Variants in BRDT observed in about 807,000 individuals in gnomAD.
BRDT encodes bromodomain testis-specific protein.
In BRDT, 77 loss-of-function variants were observed where a neutral mutation model predicts 113.9. That is an observed-to-expected ratio of 0.68 (90% confidence interval 0.56 to 0.82). BRDT has a LOEUF of 0.82. Ranked by LOEUF, BRDT falls within the 40% of genes least tolerant of loss-of-function variation. BRDT has a pLI of 0.00. For synonymous variants in BRDT, 358 were observed against 366.5 expected (o/e 0.98, Z 0.26); for missense variants, 1,027 against 1,105.4 (o/e 0.93, Z 1.01).
At chr1:91,995,312 C>T (rs979620929) in intron 15 of BRDT, among the ~76,000 whole-genome samples, 6 of 152,036 alleles carry the variant, frequency 3.9e-5, no homozygotes, top group Admixed American at 2.0e-4. Flanking sequence ...GAATAAATTT[C>T]CAAGCTGTTT....
Position 91,979,651 on chromosome 1 carries a change from CAG to C in BRDT, c.1183_1184del (p.Glu395AsnfsTer4). On this transcript the variant is annotated frameshift_variant, in exon 8 of 19. Transcript: ENST00000399546. LOFTEE classifies it high-confidence loss of function. ...TTATGTTACATCAAAACAGATATCA[CAG>C]AAACCACTGGTAGAGAGAACACTAA... The C allele has an allele frequency of 6.2e-7, 1 of 1,614,028 alleles. No homozygotes were observed. Among genetic ancestry groups the C allele is most frequent in the South Asian group, 1.1e-5 (1 of 91,072 alleles).
chr1:91,956,344 A>G (rs552145365), intron 1 of BRDT, among the ~76,000 whole-genome samples: 2 of 142,662 alleles, frequency 1.4e-5, no homozygotes, highest in Admixed American at 7.1e-5. Context: ...CCTGAGTTGT[A>G]TGTCATGGAT....
At position 92,006,216 on chromosome 1, in the gene BRDT, T is replaced by C. The variant is rs377494633; in HGVS notation, c.2775+917T>C. 3.4e-4 allele frequency among the ~76,000 whole-genome samples: 52 copies of C among 152,286 alleles called. 2 individuals carry two copies. In the South Asian group the frequency reaches 0.011, roughly 31 times the overall value. The stretch of plus-strand genomic sequence containing the variant: ...TGTATTTTATTGCTGTTGGATAGGG[T>C]GTTAATCAGGCCAAGTTGGTTTATC... On this transcript the variant is annotated intron_variant, in intron 18 of 18. Transcript: ENST00000399546.
chr1:91,959,752 G>T (rs560690572), intron 1 of BRDT, among the ~76,000 whole-genome samples: 1 of 152,064 alleles, frequency 6.6e-6, no homozygotes, highest in South Asian at 2.1e-4. Context: ...CAAAGTTCTG[G>T]GATTACAGGC....
Position 91,985,673 on chromosome 1 carries a change from C to G in BRDT, c.2002+3918C>G, listed in dbSNP as rs1398183099. On this transcript the variant is annotated intron_variant, in intron 12 of 18. Coordinates refer to ENST00000399546, the MANE Select transcript of BRDT (RefSeq NM_207189.4). The stretch of plus-strand genomic sequence containing the variant: ...TTTTTTTTTTGAGACGGAGTCTGCT[C>G]TTTTGCCCAGGCTGGAGTGCAGTGG... Among the ~76,000 whole-genome samples, 3 of 111,542 alleles carry G rather than the reference C, an allele frequency of 2.7e-5. No individual in the cohort carries two copies. The East Asian group carries it at 8.6e-4, about 32-fold the overall frequency. 73.2% of individuals were successfully genotyped at this position (111,542 alleles called of 152,430 possible).
chr1:91,984,433 T>C (rs1040681283), intron 12 of BRDT, among the ~76,000 whole-genome samples: 19 of 152,126 alleles, frequency 1.2e-4, no homozygotes, highest in Non-Finnish European at 2.6e-4. Context: ...GCACCTACTA[T>C]TCTTAATTAT....
At chr1:91,951,531 TCA>T (rs778092207) in intron 1 of BRDT, among the ~76,000 whole-genome samples, 81 of 151,194 alleles carry the variant, frequency 5.4e-4, no homozygotes, top group Non-Finnish European at 6.2e-4. Flanking sequence ...GCGCGGTGGC[TCA>T]CGCCTGTAAT....
intron 17 of BRDT, 111 bp downstream of exon 17, chr1:92,004,730 A>G: frequency 1.0e-6 from 1 of 973,190 alleles, no homozygotes; most frequent in Non-Finnish European, 1.5e-6. Context: ...AGTAGAACAC[A>G]GAGCAAATTG....
rs537757866 is a variant in BRDT at position 91,998,608 on chromosome 1, A to G, written c.2288-3441A>G. On this transcript the variant is annotated intron_variant, in intron 15 of 18. Coordinates refer to ENST00000399546, the MANE Select transcript of BRDT (RefSeq NM_207189.4). ...GAAAAAGTAAATCCAGGAGTTTGCTATCTCATAGGAGAAATAAACAACTGG... is the reference window on the plus strand; with the variant it reads ...GAAAAAGTAAATCCAGGAGTTTGCTGTCTCATAGGAGAAATAAACAACTGG... Among the ~76,000 whole-genome samples the G allele has an allele frequency of 1.4e-3, 216 of 152,350 alleles. 1 individual carries two copies. Among genetic ancestry groups the G allele is most frequent in the African/African-American group, 4.8e-3 (201 of 41,592 alleles).
At position 91,976,398 on chromosome 1, in the gene BRDT, A is replaced by C; in HGVS notation, c.578A>C (p.Gln193Pro). Residue 193 changes from glutamine to proline, a missense_variant, in exon 5 of 19, where the codon CAG becomes CCG. Gln to Pro is a moderately conservative substitution (Grantham distance 76). Coordinates refer to ENST00000399546, the MANE Select transcript of BRDT (RefSeq NM_207189.4). Reference protein sequence around the residue: ...KTSISPLNVVQGASVNSSSQT... With the variant: ...KTSISPLNVVPGASVNSSSQT... ...TCTATTTCTCCCTTGAACGTGGTAC[A>C]GGGAGCTTCAGTCAACTCCAGTTCA... 2 of 1,602,306 alleles carry C rather than the reference A, an allele frequency of 1.2e-6. No homozygotes were observed. Among genetic ancestry groups the C allele is most frequent in the Non-Finnish European group, 8.5e-7 (1 of 1,176,166 alleles).
At chr1:91,959,193 C>T (rs111668199) in intron 1 of BRDT, among the ~76,000 whole-genome samples, 1 of 152,056 alleles carries the variant, frequency 6.6e-6, no homozygotes, top group Non-Finnish European at 1.5e-5. Context: ...CAAACAAAAA[C>T]GTAATACATA....
intron 15 of BRDT, among the ~76,000 whole-genome samples, chr1:91,996,175 T>G (rs1686312428): frequency 6.6e-6 from 1 of 152,216 alleles, no homozygotes; most frequent in South Asian, 2.1e-4. Flanking sequence ...ACAAATTATA[T>G]ACAAATTTGT....
chr1:92,010,406 C>T (rs1440346520), intron 18 of BRDT, among the ~76,000 whole-genome samples: 1 of 150,308 alleles, frequency 6.7e-6, no homozygotes, highest in East Asian at 2.0e-4. Flanking sequence ...TCTTGAGTAG[C>T]TAGGACTGCA....
chr1:92,014,157 A>G (rs775560114), intron 18 of BRDT, 49 bp from the exon 19 acceptor site: 2 of 1,247,072 alleles, frequency 1.6e-6, no homozygotes, highest in Non-Finnish European at 2.3e-6. Context: ...AGTTGTAGTA[A>G]AGACATACAT....
At chr1:91,988,555 C>T (rs1001338777) in intron 12 of BRDT, among the ~76,000 whole-genome samples, 1 of 152,012 alleles carries the variant, frequency 6.6e-6, no homozygotes, top group Non-Finnish European at 1.5e-5. Flanking sequence ...TTTGCACCAC[C>T]ACGCCCAGCT....
Position 91,980,696 on chromosome 1 carries a change from G to C in BRDT, c.1341G>C (p.Lys447Asn). 1 of 1,603,944 alleles carries C rather than the reference G, an allele frequency of 6.2e-7. No homozygotes were observed. Among genetic ancestry groups the C allele is most frequent in the Non-Finnish European group, 8.5e-7 (1 of 1,177,932 alleles). The change falls in exon 9 of 19, where the codon AAG becomes AAC. Residue 447 changes from lysine to asparagine, a missense_variant. Coordinates refer to ENST00000399546, the MANE Select transcript of BRDT (RefSeq NM_207189.4). ...TTTTGTCCCAAGTACCTTTCCGTAA[G>C]CTAAATAAAAAGAAAGAGAAGTCTA... ...LQVLSQVPFR[K>N]LNKKKEKSKK...
At chr1:91,960,489 T>C (rs1385732868) in intron 1 of BRDT, among the ~76,000 whole-genome samples, 11 of 152,180 alleles carry the variant, frequency 7.2e-5, no homozygotes, top group Non-Finnish European at 1.5e-5. Flanking sequence ...TTTAGGGTAG[T>C]CAAATTCATG....
intron 12 of BRDT, among the ~76,000 whole-genome samples, chr1:91,988,422 AC>A (rs1685461986): frequency 1.3e-5 from 2 of 151,300 alleles, no homozygotes; most frequent in Admixed American, 6.6e-5. Flanking sequence ...TTTTTTTGAG[AC>A]GGCATCTTGC....
chr1:91,964,353 G>T (rs1682830944), intron 2 of BRDT, among the ~76,000 whole-genome samples: 1 of 152,122 alleles, frequency 6.6e-6, no homozygotes, highest in Non-Finnish European at 1.5e-5. Context: ...GAGCCACCAT[G>T]CCCGGCCAAT....
Sources: allele counts gnomAD v4.1 joint callset (sites outside exome capture counted in the v4.1 genomes callset), GRCh38; gene constraint gnomAD v4.1.1; transcripts MANE v1.5; gene names NCBI Gene and HGNC (gene_info 2026-07-23, HGNC 2026-07-21).